The following ACER3 variants were observed in gnomAD, a reference collection of about 807,000 sequenced individuals.
ACER3 encodes alkCDase 3.
A neutral mutation model predicts 48.9 loss-of-function variants in ACER3; 16 were observed. The observed-to-expected ratio is 0.33, with a 90% CI of 0.22 to 0.50. ACER3 has a LOEUF of 0.50. Ranked by LOEUF, ACER3 falls within the 20% of genes least tolerant of loss-of-function variation. ACER3 has a pLI of 0.98. For synonymous variants in ACER3, 109 were observed against 107.8 expected, an observed-to-expected ratio of 1.01 and a Z score of -0.07; for missense variants, 227 against 326.0, an observed-to-expected ratio of 0.70 and a Z score of 2.34.
At chr11:76,899,805 A>T (rs934170104) in intron 1 of ACER3, among the ~76,000 whole-genome samples, 17 of 152,180 alleles carry the variant, frequency 1.1e-4, no homozygotes, top group African/African-American at 3.6e-4. Context: ...ATTTTTGCAC[A>T]TATACGGTTG....
At chr11:77,016,802 G>T in intron 9 of ACER3, 23 bp downstream of exon 9, 2 of 1,318,548 alleles carry the variant, frequency 1.5e-6, no homozygotes, top group East Asian at 2.4e-5. Flanking sequence ...GACTTTTTTA[G>T]CCTCGTACTA....
intron 6 of ACER3, among the ~76,000 whole-genome samples, chr11:76,992,490 G>A (rs1395993403): frequency 3.3e-5 from 5 of 152,128 alleles, no homozygotes; most frequent in Non-Finnish European, 5.9e-5. Flanking sequence ...TCTTCCCTAT[G>A]TATAGCAGTA....
chr11:76,943,673 T>C (rs866486052), intron 2 of ACER3, among the ~76,000 whole-genome samples: 4 of 151,956 alleles, frequency 2.6e-5, no homozygotes, highest in African/African-American at 7.2e-5. Context: ...GAAAAGTCCA[T>C]TTGGTCTAAA....
chr11:76,965,186 G>A lies in ACER3; in HGVS notation c.267+6155G>A, dbSNP rs191733352. 5.2e-4 allele frequency among the ~76,000 whole-genome samples: 79 copies of A among 151,458 alleles called. 2 individuals carry two copies. The South Asian group carries it at 6.4e-3, about 12-fold the overall frequency. Reference sequence around the variant, plus strand: ...ATGCACAAGCCTCAGTAGCTGATGCGATCAACTGGAAGAAAGGCTATCAGT... The same window carrying A: ...ATGCACAAGCCTCAGTAGCTGATGCAATCAACTGGAAGAAAGGCTATCAGT... On this transcript the variant is annotated intron_variant, in intron 3 of 10. Coordinates refer to ENST00000532485, the MANE Select transcript of ACER3 (RefSeq NM_018367.7).
intron 2 of ACER3, among the ~76,000 whole-genome samples, chr11:76,937,032 T>A (rs1372997624): frequency 6.6e-6 from 1 of 152,098 alleles, no homozygotes; most frequent in Non-Finnish European, 1.5e-5. Flanking sequence ...TTTTAAGCAT[T>A]GAATTATAAA....
chr11:76,867,956 A>G (rs1458072125), intron 1 of ACER3, among the ~76,000 whole-genome samples: 1 of 152,128 alleles, frequency 6.6e-6, no homozygotes, highest in Admixed American at 6.5e-5. Flanking sequence ...TACCTTTACT[A>G]TGGGATTCAC....
intron 3 of ACER3, among the ~76,000 whole-genome samples, chr11:76,970,327 A>C (rs1006751718): frequency 1.6e-4 from 25 of 152,332 alleles, no homozygotes; most frequent in Non-Finnish European, 3.1e-4. Flanking sequence ...AGTGACAAGA[A>C]AAATGTCATC....
intron 2 of ACER3, among the ~76,000 whole-genome samples, chr11:76,934,686 AGAGGGAGACCGTGGGGAGACGGGAGAGG>A (rs1470466223): frequency 4.5e-5 from 6 of 133,748 alleles, no homozygotes; most frequent in African/African-American, 2.5e-4. Flanking sequence ...AAAGAGAGGG[AGAGGGAGACCGTGGGGAGACGGGAGAGG>A]GAGGGAGACC....
intron 1 of ACER3, among the ~76,000 whole-genome samples, chr11:76,914,404 C>G (rs1041568941): frequency 2.0e-5 from 3 of 152,164 alleles, no homozygotes; most frequent in African/African-American, 7.2e-5. Flanking sequence ...AGACACTTCT[C>G]AAAAGAAGAC....
intron 1 of ACER3, among the ~76,000 whole-genome samples, chr11:76,905,334 AATGT>A (rs770275551): frequency 3.3e-5 from 5 of 152,170 alleles, no homozygotes; most frequent in Non-Finnish European, 5.9e-5. Context: ...CATGTAAAAT[AATGT>A]ATTTAGCATT....
chr11:76,995,744 G>A (rs1331813906), intron 6 of ACER3, among the ~76,000 whole-genome samples: 2 of 152,086 alleles, frequency 1.3e-5, no homozygotes, highest in Non-Finnish European at 1.5e-5. Flanking sequence ...GCAGTGGGGA[G>A]CATCAAAAGT....
At chr11:76,948,720 G>A (rs1481567353) in intron 2 of ACER3, among the ~76,000 whole-genome samples, 1 of 152,134 alleles carries the variant, frequency 6.6e-6, no homozygotes, top group East Asian at 1.9e-4. Context: ...ACCATGATGT[G>A]ATTTAAAAGG....
At position 77,026,051 on chromosome 11, in the gene ACER3, C is replaced by T. The variant is rs138315664; in HGVS notation, c.*5724C>T. The T allele has an allele frequency of 2.2e-4, 33 of 152,274 alleles. No homozygotes were observed. The highest frequency in any genetic ancestry group is 7.9e-4 in the African/African-American group (33 of 41,546). 9.4% of individuals were successfully genotyped at this position (152,274 alleles called of 1,614,324 possible). ...ATAGCCTGTTGCAAAGTGCCTAAAC[C>T]TTTGAGAAAAATTACTATGAGCAAG... On this transcript the variant is annotated 3_prime_UTR_variant, in exon 11 of 11. Coordinates refer to ENST00000532485, the MANE Select transcript of ACER3 (RefSeq NM_018367.7).
chr11:76,861,164 G>A, intron 1 of ACER3, 85 bp downstream of exon 1: 1 of 1,320,922 alleles, frequency 7.6e-7, no homozygotes, highest in South Asian at 1.3e-5. Flanking sequence ...GAGCGAACCT[G>A]GCCGCGAAGG....
chr11:76,872,287 G>C (rs1484135364), intron 1 of ACER3, among the ~76,000 whole-genome samples: 1 of 152,026 alleles, frequency 6.6e-6, no homozygotes, highest in African/African-American at 2.4e-5. Flanking sequence ...TGTTGGCCAG[G>C]CTTGTCTCGA....
chr11:76,902,739 T>A (rs1946113174), intron 1 of ACER3, among the ~76,000 whole-genome samples: 1 of 152,222 alleles, frequency 6.6e-6, no homozygotes, highest in Admixed American at 6.5e-5. Context: ...TACTGCCATA[T>A]GCAATTTACT....
chr11:76,966,715 C>T (rs1483370929), intron 3 of ACER3, among the ~76,000 whole-genome samples: 10 of 150,102 alleles, frequency 6.7e-5, no homozygotes, highest in African/African-American at 2.2e-4. Flanking sequence ...CTACTGGGTA[C>T]ATAACGAAAT....
chr11:76,888,821 G>A (rs1945738462), intron 1 of ACER3, among the ~76,000 whole-genome samples: 2 of 152,108 alleles, frequency 1.3e-5, no homozygotes, highest in Non-Finnish European at 1.5e-5. Flanking sequence ...CTCTTGGTTA[G>A]CAGCAAGTCA....
chr11:76,927,532 C>G (rs10793207), intron 2 of ACER3, among the ~76,000 whole-genome samples: 86,838 of 151,876 alleles, frequency 0.57, 28,023 homozygotes, highest in Non-Finnish European at 0.74. Flanking sequence ...CATATGAATA[C>G]ATGTGCCATG....
Sources: gnomAD v4.1 joint callset for allele counts (sites outside exome capture counted in the v4.1 genomes callset) on GRCh38, gnomAD v4.1.1 for gene constraint, MANE v1.5 for transcripts, NCBI Gene and HGNC (gene_info 2026-07-23, HGNC 2026-07-21) for gene names.